ZNF738: variants seen among roughly 807,000 people sequenced by gnomAD.
The protein encoded by ZNF738 is zinc finger protein 738, also known as protein ZNF738.
Under a neutral mutation model 9.2 loss-of-function variants are expected in ZNF738, and 10 were observed. The observed-to-expected ratio is 1.09, with a 90% CI of 0.67 to 1.85. ZNF738 has a LOEUF of 1.85. Ranked by LOEUF, ZNF738 falls within the 40% of genes most tolerant of loss-of-function variation. The pLI is 0.00. For missense variants in ZNF738, 346 were observed against 283.6 expected (o/e 1.22, Z -1.58); for synonymous variants, 113 against 94.5 (o/e 1.20, Z -1.14).
At chr19:21,380,474 T>C (rs781679028) in intron 4 of ZNF738, among the ~76,000 whole-genome samples, 34 of 152,050 alleles carry the variant, frequency 2.2e-4, no homozygotes, top group Non-Finnish European at 4.6e-4. Flanking sequence ...TCCCTGGGGT[T>C]TTGCTTCCTC....
chr19:21,370,399 A>G (rs754359522), intron 2 of ZNF738, among the ~76,000 whole-genome samples: 21 of 152,192 alleles, frequency 1.4e-4, no homozygotes, highest in Non-Finnish European at 2.5e-4. Flanking sequence ...CTATTTTTAT[A>G]GAATAAGTTG....
chr19:21,361,358 T>A (rs1236091768), intron 1 of ZNF738, among the ~76,000 whole-genome samples: 7 of 127,266 alleles, frequency 5.5e-5, no homozygotes, highest in East Asian at 4.9e-4. Context: ...CAGGCTGGTC[T>A]CGAACTCCCG....
chr19:21,377,654 G>A (rs924485), intron 4 of ZNF738: 423,066 of 446,748 alleles, frequency 0.95, 201,517 homozygotes, highest in Middle Eastern at 0.98. Flanking sequence ...CTTAAGATGT[G>A]GCTTTTGTAA....
At chr19:21,363,454 A>C (rs535799356) in intron 2 of ZNF738, among the ~76,000 whole-genome samples, 1 of 152,212 alleles carries the variant, frequency 6.6e-6, no homozygotes, top group East Asian at 1.9e-4. Flanking sequence ...TGATGAGAGA[A>C]GCTAGAGTCC....
At chr19:21,364,912 A>ATTTTTTTT in intron 2 of ZNF738, among the ~76,000 whole-genome samples, 1 of 99,248 alleles carries the variant, frequency 1.0e-5, no homozygotes, top group Non-Finnish European at 2.0e-5. Context: ...TACCCAGCTA[A>ATTTTTTTT]TTTTTTTTTT....
chr19:21,367,404 G>A (rs1397407679), intron 2 of ZNF738, among the ~76,000 whole-genome samples: 1 of 152,178 alleles, frequency 6.6e-6, no homozygotes, highest in African/African-American at 2.4e-5. Context: ...TATGGGGTTT[G>A]TGACTGGCAT....
chr19:21,382,010 G>T (rs1974010914), intron 4 of ZNF738: 1 of 167,154 alleles, frequency 6.0e-6, no homozygotes, highest in South Asian at 2.0e-4. Flanking sequence ...TTCTACTTGT[G>T]TTTTTTAAAA....
intron 1 of ZNF738, among the ~76,000 whole-genome samples, chr19:21,360,122 A>G (rs1794268418): frequency 6.6e-6 from 1 of 152,214 alleles, no homozygotes; most frequent in Non-Finnish European, 1.5e-5. Flanking sequence ...AGTTTATAGT[A>G]GGTGAAGCCT....
intron 4 of ZNF738, chr19:21,378,766 A>T (rs549001902): frequency 1.1e-5 from 3 of 273,912 alleles, no homozygotes; most frequent in East Asian, 1.5e-4. Context: ...CACCCAGCTA[A>T]GTTTGTATTT....
chr19:21,361,004 G>A (rs1221280024), intron 1 of ZNF738, among the ~76,000 whole-genome samples: 2 of 151,498 alleles, frequency 1.3e-5, no homozygotes, highest in Non-Finnish European at 2.9e-5. Flanking sequence ...AGAAGAGATA[G>A]GGTTTCTCCA....
intron 3 of ZNF738, 122 bp from the exon 4 acceptor site, chr19:21,375,747 A>G (rs1973919011): frequency 2.0e-6 from 1 of 499,024 alleles, no homozygotes; most frequent in Admixed American, 3.6e-5. Context: ...TTCTGTCATT[A>G]AATAGTATTT....
At chr19:21,377,282 G>C in intron 4 of ZNF738, 1 of 521,622 alleles carries the variant, frequency 1.9e-6, no homozygotes, top group Non-Finnish European at 3.4e-6. Context: ...ACTCCAGCCT[G>C]GGTAACAAGA....
intron 3 of ZNF738, among the ~76,000 whole-genome samples, chr19:21,375,588 G>C (rs1973916984): frequency 6.6e-6 from 1 of 152,126 alleles, no homozygotes; most frequent in South Asian, 2.1e-4. Flanking sequence ...CTTCACTCTA[G>C]AGTAGTGGTA....
At position 21,387,338 on chromosome 19, in the gene ZNF738, G is replaced by A. The variant is rs754809450; in HGVS notation, c.*3664G>A. Among the ~76,000 whole-genome samples the A allele has an allele frequency of 1.3e-5, 2 of 152,030 alleles. No individual in the cohort carries two copies. The highest frequency in any genetic ancestry group is 2.9e-5 in the Non-Finnish European group (2 of 67,998). On this transcript the variant is annotated 3_prime_UTR_variant, in exon 5 of 5. Coordinates refer to ENST00000683779, the MANE Select transcript of ZNF738 (RefSeq NM_001355237.2). ...CAAGTAGCTGGGATTACAGGCACCT[G>A]CCACCACGCCTGGCTAATTTTTGTA... is the stretch of plus-strand genomic sequence containing the variant.
chr19:21,384,187 C>G lies in ZNF738; in HGVS notation c.*513C>G. On this transcript the variant is annotated 3_prime_UTR_variant, in exon 5 of 5. Transcript: ENST00000683779. ...TACAAATGTGAGGAATGTGGCAAAGCTTTTAACTGGTACTCACGCCTTACT... is the reference window on the plus strand; with the variant it reads ...TACAAATGTGAGGAATGTGGCAAAGGTTTTAACTGGTACTCACGCCTTACT... 7.1e-7 allele frequency: 1 copy of G among 1,416,862 alleles called. No homozygotes were observed. Among genetic ancestry groups the G allele is most frequent in the Non-Finnish European group, 9.9e-7 (1 of 1,006,990 alleles). 87.8% of individuals were successfully genotyped at this position (1,416,862 alleles called of 1,614,324 possible). A position where few individuals can be genotyped will look rare whatever the true frequency, so the allele number is the denominator to read the frequency against.
chr19:21,377,547 G>T, intron 4 of ZNF738: 14 of 536,528 alleles, frequency 2.6e-5, no homozygotes, highest in Middle Eastern at 2.8e-4. Flanking sequence ...ATTTGTCATA[G>T]GTTCCCAGTT....
rs1424405786 is a variant in ZNF738 at position 21,386,082 on chromosome 19, A to G, written c.*2408A>G. On this transcript the variant is annotated 3_prime_UTR_variant, in exon 5 of 5. Coordinates refer to ENST00000683779, the MANE Select transcript of ZNF738 (RefSeq NM_001355237.2). The stretch of plus-strand genomic sequence containing the variant: ...CTTATTAAACATAAAATCTTACAGG[A>G]GAGAAATTATACAAATGTGAAGAAT... Among the ~76,000 whole-genome samples the G allele has an allele frequency of 2.0e-5, 3 of 152,224 alleles. No homozygotes were observed. Among genetic ancestry groups the G allele is most frequent in the Admixed American group, 6.5e-5 (1 of 15,286 alleles).
intron 2 of ZNF738, among the ~76,000 whole-genome samples, chr19:21,371,312 C>T (rs891191599): frequency 3.9e-5 from 6 of 152,182 alleles, no homozygotes; most frequent in Admixed American, 3.3e-4. Context: ...GGAATCCTCT[C>T]CTAATCACCT....
At chr19:21,375,717 A>G (rs1973918643) in intron 3 of ZNF738, among the ~76,000 whole-genome samples, 152 bp from the exon 4 acceptor site, 2 of 152,068 alleles carry the variant, frequency 1.3e-5, no homozygotes, top group Admixed American at 1.3e-4. Flanking sequence ...AATTTAAAAT[A>G]TTTTCTAAAT....
Sources: gnomAD v4.1 joint callset for allele counts (sites outside exome capture counted in the v4.1 genomes callset) on GRCh38, gnomAD v4.1.1 for gene constraint, MANE v1.5 for transcripts, NCBI Gene and HGNC (gene_info 2026-07-23, HGNC 2026-07-21) for gene names.